Variants in CADPS2 observed in about 807,000 individuals in gnomAD.
The protein encoded by CADPS2 is calcium dependent secretion activator 2, also known as calcium-dependent secretion activator 2.
Under a neutral mutation model 172.5 loss-of-function variants are expected in CADPS2, and 93 were observed. The ratio of observed to expected loss-of-function variants is 0.54; its 90% CI spans 0.46 to 0.64. The LOEUF (loss-of-function observed/expected upper bound fraction) is 0.64, where lower values mean the gene tolerates loss of function less well. Ranked by LOEUF, CADPS2 falls within the 30% of genes least tolerant of loss-of-function variation. The probability of loss-of-function intolerance (pLI) is 0.00; values close to 1 mark genes in which losing one functional copy is unlikely to be tolerated. For missense variants in CADPS2, 1,420 were observed against 1,565.9 expected, an observed-to-expected ratio of 0.91 and a Z score of 1.57; for synonymous variants, 546 against 555.2, an observed-to-expected ratio of 0.98 and a Z score of 0.23.
chr7:122,694,950 C>A (rs1448029302), intron 2 of CADPS2, among the ~76,000 whole-genome samples: 1 of 152,148 alleles, frequency 6.6e-6, no homozygotes, highest in Non-Finnish European at 1.5e-5. Flanking sequence ...CCAGTTGATA[C>A]CTACGTGCTG....
chr7:122,774,112 T>A (rs1430581535), intron 1 of CADPS2, among the ~76,000 whole-genome samples: 1 of 152,012 alleles, frequency 6.6e-6, no homozygotes, highest in Non-Finnish European at 1.5e-5. Flanking sequence ...AAGAATAACT[T>A]TTCAATTACA....
chr7:122,414,576 T>C (rs993335027), intron 18 of CADPS2, among the ~76,000 whole-genome samples: 1 of 152,206 alleles, frequency 6.6e-6, no homozygotes, highest in African/African-American at 2.4e-5. Context: ...GGAATTCATT[T>C]CAAATTATTG....
chr7:122,696,860 TATTC>T (rs1395398521), intron 2 of CADPS2, among the ~76,000 whole-genome samples: 1 of 152,206 alleles, frequency 6.6e-6, no homozygotes, highest in Non-Finnish European at 1.5e-5. Context: ...ATCATTCACT[TATTC>T]ATTCATTCAA....
At chr7:122,475,216 G>A (rs1295783967) in intron 12 of CADPS2, among the ~76,000 whole-genome samples, 1 of 151,848 alleles carries the variant, frequency 6.6e-6, no homozygotes, top group Non-Finnish European at 1.5e-5. Context: ...TTTCATTAAT[G>A]GTATGTTTTG....
intron 28 of CADPS2, chr7:122,328,469 A>G (rs1183962202): frequency 6.6e-6 from 1 of 152,202 alleles, no homozygotes; most frequent in East Asian, 1.9e-4. Context: ...TTTTCTCCAC[A>G]GGGGATGAAA....
At chr7:122,416,261 A>G (rs1159744661) in intron 17 of CADPS2, 97 bp from the exon 18 acceptor site, 3 of 533,764 alleles carry the variant, frequency 5.6e-6, no homozygotes, top group Non-Finnish European at 9.6e-6. Context: ...AAATAGAATG[A>G]GAAATAAGAA....
At chr7:122,828,406 G>C (rs1805567698) in intron 1 of CADPS2, among the ~76,000 whole-genome samples, 1 of 151,564 alleles carries the variant, frequency 6.6e-6, no homozygotes, top group African/African-American at 2.4e-5. Context: ...TCATTTTTAA[G>C]ATAATTATTG....
chr7:122,692,281 G>A (rs2084477754), intron 2 of CADPS2, among the ~76,000 whole-genome samples: 1 of 152,034 alleles, frequency 6.6e-6, no homozygotes, highest in South Asian at 2.1e-4. Context: ...GTGGGGGGAG[G>A]GTCCCTAGGC....
At chr7:122,786,312 G>C (rs1242444429) in intron 1 of CADPS2, among the ~76,000 whole-genome samples, 1 of 152,212 alleles carries the variant, frequency 6.6e-6, no homozygotes, top group Admixed American at 6.5e-5. Flanking sequence ...ATTCAAAGGA[G>C]AGGAGGCAGA....
At chr7:122,355,497 C>A (rs1006314368) in intron 27 of CADPS2, among the ~76,000 whole-genome samples, 1 of 151,860 alleles carries the variant, frequency 6.6e-6, no homozygotes, top group Non-Finnish European at 1.5e-5. Flanking sequence ...ACGAGAATCA[C>A]TTGAACCCGG....
At chr7:122,812,827 T>A (rs1217929518) in intron 1 of CADPS2, among the ~76,000 whole-genome samples, 1 of 152,120 alleles carries the variant, frequency 6.6e-6, no homozygotes, top group East Asian at 1.9e-4. Context: ...CCTAGTTCTA[T>A]TACTACCATT....
intron 25 of CADPS2, among the ~76,000 whole-genome samples, chr7:122,362,936 A>C (rs2040371579): frequency 1.3e-5 from 2 of 152,250 alleles, no homozygotes; most frequent in African/African-American, 2.4e-5. Context: ...ACACAGAAAC[A>C]AAACCATGCA....
At chr7:122,664,553 T>C (rs1227113227) in intron 2 of CADPS2, among the ~76,000 whole-genome samples, 2 of 152,180 alleles carry the variant, frequency 1.3e-5, no homozygotes, top group African/African-American at 4.8e-5. Flanking sequence ...GCCTTAAATC[T>C]CTCTGTTCTG....
At chr7:122,393,366 A>T in intron 21 of CADPS2, 51 bp from the exon 22 acceptor site, 1 of 1,613,592 alleles carries the variant, frequency 6.2e-7, no homozygotes, top group Non-Finnish European at 8.5e-7. Flanking sequence ...CGATAACTAC[A>T]GATGGCCATG....
chr7:122,428,471 A>T (rs186422775), intron 17 of CADPS2, among the ~76,000 whole-genome samples: 7,007 of 116,972 alleles, frequency 0.06, 179 homozygotes, highest in South Asian at 0.073. Context: ...ATATATATAT[A>T]TTTTTTTTTT....
At chr7:122,638,214 C>T (rs529174080) in intron 3 of CADPS2, among the ~76,000 whole-genome samples, 7 of 152,264 alleles carry the variant, frequency 4.6e-5, no homozygotes, top group African/African-American at 1.7e-4. Context: ...GTAGACAAGA[C>T]TATACCCTTT....
At chr7:122,742,651 A>C (rs1348759130) in intron 1 of CADPS2, among the ~76,000 whole-genome samples, 1 of 152,170 alleles carries the variant, frequency 6.6e-6, no homozygotes, top group East Asian at 1.9e-4. Context: ...CTTGGCAGTC[A>C]CATCTACTGA....
chr7:122,461,784 G>A (rs946808216), intron 14 of CADPS2, among the ~76,000 whole-genome samples: 19 of 151,954 alleles, frequency 1.3e-4, no homozygotes, highest in Non-Finnish European at 2.5e-4. Flanking sequence ...TCAGTAGAGA[G>A]GGGGTTTCAA....
chr7:122,547,936 G>T (rs191204910), intron 8 of CADPS2, among the ~76,000 whole-genome samples: 1 of 152,154 alleles, frequency 6.6e-6, no homozygotes, highest in African/African-American at 2.4e-5. Flanking sequence ...CTCTCTCACT[G>T]ATTCTTTCCA....
Sources: allele counts gnomAD v4.1 joint callset (sites outside exome capture counted in the v4.1 genomes callset), GRCh38; gene constraint gnomAD v4.1.1; transcripts MANE v1.5; gene names NCBI Gene and HGNC (gene_info 2026-07-23, HGNC 2026-07-21).